The following KIAA1210 variants were observed in gnomAD, a reference collection of about 807,000 sequenced individuals.
The protein encoded by KIAA1210 is KIAA1210.
A neutral mutation model predicts 78.9 loss-of-function variants in KIAA1210; 48 were observed. The ratio of observed to expected loss-of-function variants is 0.61; its 90% CI spans 0.48 to 0.77. The LOEUF (loss-of-function observed/expected upper bound fraction) is 0.77, where lower values mean the gene tolerates loss of function less well. KIAA1210 is among the 30% of genes least tolerant of loss of function. KIAA1210 has a pLI of 0.00. For missense variants in KIAA1210, 1,108 were observed against 1,100.0 expected, an observed-to-expected ratio of 1.01 and a Z score of -0.10; for synonymous variants, 406 against 404.5, an observed-to-expected ratio of 1.00 and a Z score of -0.04.
chrX:119,150,319 T>C lies in KIAA1210; in HGVS notation c.261A>G (p.Thr87=), dbSNP rs1192036545. ...TGCACCAAGTGGTAGGGAATCGCGG[T>C]GTGCAGGGCAGGAAGCCCCGGGAAT... Residue 87 remains threonine (T), a synonymous_variant, in exon 1 of 14, where the codon ACA becomes ACG. Coordinates refer to the KIAA1210 transcript ENST00000402510. 3.3e-6 allele frequency: 4 copies of C among 1,205,263 alleles called. No individual in the cohort carries two copies. In the African/African-American group the frequency reaches 5.3e-5, roughly 16 times the overall value.
At chrX:119,144,520 T>G (rs779292263) in intron 2 of KIAA1210, among the ~76,000 whole-genome samples, 17 of 111,902 alleles carry the variant, frequency 1.5e-4, no homozygotes, top group African/African-American at 5.2e-4. Flanking sequence ...CATTTTATTA[T>G]TCCCACTTTA....
intron 1 of KIAA1210, 97 bp from the exon 2 acceptor site, chrX:119,123,749 T>G: frequency 3.9e-6 from 2 of 512,080 alleles, no homozygotes; most frequent in Non-Finnish European, 3.2e-6. Context: ...TTCAGTTATA[T>G]TCTTAAAATA....
intron 5 of KIAA1210, among the ~76,000 whole-genome samples, chrX:119,107,081 G>T (rs773852429): frequency 8.9e-6 from 1 of 112,009 alleles, no homozygotes; most frequent in African/African-American, 3.2e-5. Context: ...GTTGGTTGTT[G>T]ATAACTTAGG....
intron 1 of KIAA1210, among the ~76,000 whole-genome samples, chrX:119,147,962 C>T (rs1298244226): frequency 9.0e-6 from 1 of 111,369 alleles, no homozygotes; most frequent in African/African-American, 3.3e-5. Context: ...TAGCAAGACC[C>T]TGTCTCTATA....
At position 119,141,109 on chromosome X, in the gene KIAA1210, C is replaced by T. The variant is rs192519150; in HGVS notation, c.410+6364G>A. ...GCAAATCTGAGGAGGCAGACGCGCC[C>T]GTGCTCCCAGGACCCTTTCCTTTCT... On this transcript the variant is annotated intron_variant, in intron 2 of 13. Transcript: ENST00000402510. 1.7e-3 allele frequency among the ~76,000 whole-genome samples: 191 copies of T among 111,775 alleles called. 1 individual carries two copies. Among genetic ancestry groups the T allele is most frequent in the African/African-American group, 5.8e-3 (178 of 30,771 alleles).
At chrX:119,124,594 A>G (rs1928567492) in intron 1 of KIAA1210, among the ~76,000 whole-genome samples, 2 of 112,120 alleles carry the variant, frequency 1.8e-5, no homozygotes, top group South Asian at 3.7e-4. Flanking sequence ...ATCTGACTAC[A>G]TGAAAATTTC....
At chrX:119,098,101 A>G (rs769404149) in intron 6 of KIAA1210, among the ~76,000 whole-genome samples, 15 of 111,367 alleles carry the variant, frequency 1.3e-4, no homozygotes, top group Admixed American at 5.7e-4. Context: ...TGCTCCCACT[A>G]ACCTCACATG....
intron 11 of KIAA1210, 30 bp downstream of exon 11, chrX:119,082,985 T>C: frequency 7.5e-6 from 8 of 1,062,809 alleles, no homozygotes; most frequent in Non-Finnish European, 8.9e-6. Context: ...TCGGGGCTGT[T>C]TTTTGAGAGG....
rs1451912878 is a variant in KIAA1210, at chrX:119,087,618, G to T, written c.3084C>A (p.Ile1028=). ...QSFVKFMAQQ[I]FSESSALKRG... ...TCTTAAGAGCAGAGCTCTCTGAAAA[G>T]ATTTGCTGTGCCATAAATTTCACGA... The change falls in exon 9 of 12, where the codon ATC becomes ATA. Residue 1028 remains isoleucine (I), a synonymous_variant. Transcript: ENST00000691062. 1.2e-5 allele frequency: 14 copies of T among 1,211,174 alleles called. No homozygotes were observed. Among genetic ancestry groups the T allele is most frequent in the Non-Finnish European group, 1.5e-5 (13 of 895,174 alleles).
At chrX:119,118,320 T>A (rs1220290844) in intron 2 of KIAA1210, among the ~76,000 whole-genome samples, 2 of 112,196 alleles carry the variant, frequency 1.8e-5, no homozygotes, top group Non-Finnish European at 3.8e-5. Flanking sequence ...GAATTGCACC[T>A]GATCAGCATC....
chrX:119,127,504 C>T (rs761185597), intron 1 of KIAA1210, among the ~76,000 whole-genome samples: 85 of 110,973 alleles, frequency 7.7e-4, no homozygotes, highest in Non-Finnish European at 1.4e-3. Flanking sequence ...CCTTATTTCC[C>T]TAACCAAATC....
intron 10 of KIAA1210, among the ~76,000 whole-genome samples, chrX:119,084,885 C>A (rs768180671): frequency 8.9e-6 from 1 of 111,948 alleles, no homozygotes; most frequent in African/African-American, 3.2e-5. Context: ...ACAACACCCC[C>A]GCACACACAC....
In KIAA1210 at chrX:119,081,407, C is replaced by T; in HGVS notation, c.4524G>A (p.Glu1508=). The T allele has an allele frequency of 1.7e-6, 2 of 1,210,542 alleles. No homozygotes were observed. Among genetic ancestry groups the T allele is most frequent in the Non-Finnish European group, 2.2e-6 (2 of 894,758 alleles). Reference sequence around the variant, plus strand: ...GTGAGAACCAGACAGGCTCAATTGGCTCAACTGGGTTCTGGAACTTGGCTG... The same window carrying T: ...GTGAGAACCAGACAGGCTCAATTGGTTCAACTGGGTTCTGGAACTTGGCTG... ...TLPAKFQNPV[E]PIEPVWFSLA... The change falls in exon 12 of 12, where the codon GAG becomes GAA. Residue 1508 remains glutamate (E), a synonymous_variant. Coordinates refer to ENST00000691062, the MANE Select transcript of KIAA1210 (RefSeq NM_001394962.1).
intron 1 of KIAA1210, among the ~76,000 whole-genome samples, chrX:119,124,327 A>T (rs775193115): frequency 8.9e-6 from 1 of 112,412 alleles, no homozygotes; most frequent in Non-Finnish European, 1.9e-5. Context: ...TCTAAAATTG[A>T]TCGTGGTGAT....
intron 11 of KIAA1210, 93 bp downstream of exon 11, chrX:119,082,922 T>C (rs1927010370): frequency 1.9e-6 from 1 of 516,744 alleles, no homozygotes; most frequent in Non-Finnish European, 3.2e-6. Context: ...TGACTTAAGG[T>C]AAGAGACAAG....
chrX:119,149,299 G>A (rs1352861229), intron 1 of KIAA1210, among the ~76,000 whole-genome samples: 1 of 111,235 alleles, frequency 9.0e-6, no homozygotes, highest in Admixed American at 9.6e-5. Context: ...CCCCTAAGAA[G>A]GCAAGCTCCT....
rs1328581981 is a variant in KIAA1210 at position 119,088,663 on chromosome X, T to A, written c.2039A>T (p.Tyr680Phe). Reference sequence around the variant, plus strand: ...ATCAGAAGTGTTGTACTTTTCAACATAACTGCTTGATTCTGTGAAGACTTC... The same window carrying A: ...ATCAGAAGTGTTGTACTTTTCAACAAAACTGCTTGATTCTGTGAAGACTTC... ...DAEVFTESSS[Y>F]VEKYNTSDDC... The change falls in exon 9 of 12, where the codon TAT becomes TTT. Residue 680 changes from tyrosine to phenylalanine, a missense_variant. Around this residue, in one of 5 missense-constraint regions of KIAA1210, gnomAD observed 672 missense variants for 607.1 expected, o/e 1.11. Transcript: ENST00000691062. 8.3e-7 allele frequency: 1 copy of A among 1,211,132 alleles called. No individual in the cohort carries two copies.
At chrX:119,145,415 T>C (rs1929144163) in intron 2 of KIAA1210, among the ~76,000 whole-genome samples, 1 of 109,906 alleles carries the variant, frequency 9.1e-6, no homozygotes, top group Non-Finnish European at 1.9e-5. Context: ...CATTGCCCAA[T>C]GTCCCCTGGG....
chrX:119,088,021 G>A lies in KIAA1210; in HGVS notation c.2681C>T (p.Ser894Phe), dbSNP rs1381601917. The change falls in exon 9 of 12, where the codon TCT becomes TTT. Residue 894 changes from serine (S) to phenylalanine (F), a missense_variant. Coordinates refer to ENST00000691062, the MANE Select transcript of KIAA1210 (RefSeq NM_001394962.1). ...TGCCACAGGACTGCTCCATTCTGCA[G>A]AAGTACTCATTGAGTCCAGGAACTT... ...RPKFLDSMST[S>F]AEWSSPVAPT... 1 of 1,209,676 alleles carries A rather than the reference G, an allele frequency of 8.3e-7. No homozygotes were observed. The highest frequency in any genetic ancestry group is 1.8e-5 in the African/African-American group (1 of 57,076).
Sources: gnomAD v4.1 joint callset for allele counts (sites outside exome capture counted in the v4.1 genomes callset) on GRCh38, gnomAD v4.1.1 for gene constraint, gnomAD v4.1.1 regional missense constraint, MANE v1.5 for transcripts, NCBI Gene and HGNC (gene_info 2026-07-23, HGNC 2026-07-21) for gene names.